The following CFAP210 variants were observed in gnomAD, a reference collection of about 807,000 sequenced individuals.
The protein encoded by CFAP210 is cilia and flagella associated protein 210, also known as cilia- and flagella- associated protein 210.
At chr2:169,650,983 C>T in the CFAP210 span, among the ~76,000 whole-genome samples, 1 of 151,518 alleles carries the variant, frequency 6.6e-6, no homozygotes, top group Non-Finnish European at 1.5e-5. Flanking sequence ...AATCCCAGCA[C>T]TTTGGGAGGC....
chr2:169,686,375 GT>G, the CFAP210 span, among the ~76,000 whole-genome samples: 1 of 152,170 alleles, frequency 6.6e-6, no homozygotes, highest in African/African-American at 2.4e-5. Context: ...TGTTGAATGT[GT>G]AGATCAATTT....
the CFAP210 span, among the ~76,000 whole-genome samples, chr2:169,672,536 A>C: frequency 1.3e-5 from 2 of 152,226 alleles, no homozygotes; most frequent in Non-Finnish European, 2.9e-5. Context: ...CAAAGGCCCA[A>C]GAGCCCCCAG....
the CFAP210 span, among the ~76,000 whole-genome samples, chr2:169,653,108 A>G: frequency 2.2e-5 from 3 of 138,818 alleles, no homozygotes; most frequent in African/African-American, 5.3e-5. Context: ...ATATAGTGCT[A>G]TATATCAAGC....
At chr2:169,656,618 C>CT in the CFAP210 span, among the ~76,000 whole-genome samples, 1 of 152,126 alleles carries the variant, frequency 6.6e-6, no homozygotes, top group Non-Finnish European at 1.5e-5. Context: ...ACTCCAGCAG[C>CT]TATTCAGGGC....
chr2:169,675,663 T>G, the CFAP210 span, among the ~76,000 whole-genome samples: 1 of 152,190 alleles, frequency 6.6e-6, no homozygotes, highest in South Asian at 2.1e-4. Flanking sequence ...GAATTACATT[T>G]CAATATGATA....
At chr2:169,681,009 C>T in the CFAP210 span, 1 of 1,607,150 alleles carries the variant, frequency 6.2e-7, no homozygotes, top group Non-Finnish European at 8.5e-7. Flanking sequence ...ATACTTACTG[C>T]ATATGTATTA....
the CFAP210 span, among the ~76,000 whole-genome samples, chr2:169,655,993 T>C: frequency 6.6e-6 from 1 of 152,228 alleles, no homozygotes; most frequent in Admixed American, 6.5e-5. Context: ...AGACTACATG[T>C]GCAGCTTTCT....
chr2:169,656,387 A>AGGAGGATGAAGT, the CFAP210 span, among the ~76,000 whole-genome samples: 21,317 of 148,920 alleles, frequency 0.14, 1,626 homozygotes, highest in African/African-American at 0.21. Context: ...AAAGAGGAGG[A>AGGAGGATGAAGT]AGAGGAGGAG....
At chr2:169,666,960 C>G in the CFAP210 span, among the ~76,000 whole-genome samples, 5 of 152,140 alleles carry the variant, frequency 3.3e-5, no homozygotes, top group Non-Finnish European at 7.3e-5. Flanking sequence ...AATTCACTCA[C>G]ATCTTCAGGC....
chr2:169,694,150 TG>T, the CFAP210 span: 1 of 999,780 alleles, frequency 1.0e-6, no homozygotes, highest in Non-Finnish European at 1.6e-6. Context: ...TTCGACCTGG[TG>T]GAGTCCATTT....
chr2:169,662,783 C>G, the CFAP210 span, among the ~76,000 whole-genome samples: 7 of 152,302 alleles, frequency 4.6e-5, no homozygotes, highest in East Asian at 7.7e-4. Flanking sequence ...AACTTCAGCC[C>G]TAGATGATGC....
At chr2:169,648,226 A>G in the CFAP210 span, 1 of 206,728 alleles carries the variant, frequency 4.8e-6, no homozygotes. Flanking sequence ...ATATTGTCTG[A>G]TTCCATTTAT....
chr2:169,671,600 C>CT, the CFAP210 span, among the ~76,000 whole-genome samples: 4 of 152,132 alleles, frequency 2.6e-5, no homozygotes, highest in East Asian at 7.7e-4. Flanking sequence ...TCCTGAGTAG[C>CT]TAAGATTACA....
the CFAP210 span, among the ~76,000 whole-genome samples, chr2:169,672,928 C>T: frequency 2.6e-5 from 4 of 152,094 alleles, no homozygotes; most frequent in African/African-American, 9.7e-5. Context: ...CAAAATGCAA[C>T]CAATATAAAG....
the CFAP210 span, among the ~76,000 whole-genome samples, chr2:169,653,052 A>ATATATATATATG: frequency 7.5e-5 from 8 of 107,154 alleles, no homozygotes; most frequent in African/African-American, 2.9e-4. Context: ...ATATATATAT[A>ATATATATATATG]TATATATATA....
the CFAP210 span, among the ~76,000 whole-genome samples, chr2:169,686,010 T>G: frequency 6.6e-6 from 1 of 152,178 alleles, no homozygotes; most frequent in East Asian, 1.9e-4. Context: ...GACTGTAGTT[T>G]TTTTTATTGT....
the CFAP210 span, among the ~76,000 whole-genome samples, chr2:169,652,137 T>A: frequency 2.0e-5 from 3 of 152,122 alleles, no homozygotes; most frequent in African/African-American, 7.2e-5. Flanking sequence ...ATTCACTTAG[T>A]GAATTGGCAA....
the CFAP210 span, among the ~76,000 whole-genome samples, chr2:169,660,728 A>G: frequency 2.0e-5 from 3 of 151,532 alleles, no homozygotes. Context: ...CAGCCTCCTG[A>G]GTAGCTGGGA....
At chr2:169,688,022 C>T in the CFAP210 span, among the ~76,000 whole-genome samples, 1 of 152,254 alleles carries the variant, frequency 6.6e-6, no homozygotes, top group Non-Finnish European at 1.5e-5. Flanking sequence ...TCTGAAGCCA[C>T]AGCATGAGCT....
Sources: gnomAD v4.1 joint callset for allele counts (sites outside exome capture counted in the v4.1 genomes callset) on GRCh38, gnomAD v4.1.1 for gene constraint, MANE v1.5 for transcripts, NCBI Gene and HGNC (gene_info 2026-07-23, HGNC 2026-07-21) for gene names.